Variants in ROR1 observed in about 807,000 individuals in gnomAD.
The protein encoded by ROR1 is ROR family WNT receptor 1.
Under a neutral mutation model 78.8 loss-of-function variants are expected in ROR1, and 19 were observed. The ratio of observed to expected loss-of-function variants is 0.24; its 90% CI spans 0.17 to 0.35. ROR1 has a LOEUF of 0.35. Among genes scored for constraint, ROR1 ranks in the 10% least tolerant of loss-of-function variants. ROR1 has a pLI of 1.00. For synonymous variants in ROR1, 386 were observed against 433.6 expected (o/e 0.89, Z 1.36); for missense variants, 917 against 1,177.8 (o/e 0.78, Z 3.24).
intron 8 of ROR1, among the ~76,000 whole-genome samples, chr1:64,160,442 A>G (rs1224353557): frequency 2.0e-5 from 3 of 152,034 alleles, no homozygotes; most frequent in African/African-American, 4.8e-5. Context: ...TCTCTTGCTG[A>G]GTGTGAATTT....
chr1:63,837,328 G>T (rs919332011), intron 1 of ROR1, among the ~76,000 whole-genome samples: 2 of 152,122 alleles, frequency 1.3e-5, no homozygotes, highest in African/African-American at 2.4e-5. Context: ...TTTTGAAAGT[G>T]GTTAAAGGAT....
At chr1:63,889,230 C>G (rs949620159) in intron 1 of ROR1, among the ~76,000 whole-genome samples, 1 of 149,912 alleles carries the variant, frequency 6.7e-6, no homozygotes, top group Non-Finnish European at 1.5e-5. Flanking sequence ...AAGTGACATG[C>G]CATCACTTCT....
At chr1:64,054,813 T>C (rs1204751936) in intron 4 of ROR1, among the ~76,000 whole-genome samples, 1 of 152,194 alleles carries the variant, frequency 6.6e-6, no homozygotes, top group Non-Finnish European at 1.5e-5. Flanking sequence ...TTCTGGAGGC[T>C]AGAAGTATGA....
At chr1:63,994,533 G>A (rs1646322123) in intron 1 of ROR1, among the ~76,000 whole-genome samples, 1 of 152,162 alleles carries the variant, frequency 6.6e-6, no homozygotes, top group Admixed American at 6.6e-5. Flanking sequence ...GGACCTTGAA[G>A]CAGCAGGTCA....
intron 8 of ROR1, among the ~76,000 whole-genome samples, chr1:64,176,472 C>G (rs1650382378): frequency 7.1e-6 from 1 of 141,046 alleles, no homozygotes. Context: ...ATTATCATCC[C>G]ATTTTATAGA....
chr1:64,017,146 A>G (rs1646527897), intron 2 of ROR1, among the ~76,000 whole-genome samples: 1 of 151,970 alleles, frequency 6.6e-6, no homozygotes, highest in African/African-American at 2.4e-5. Context: ...GGCTCAAGCA[A>G]TCTGCCCCCT....
At chr1:63,961,796 T>A (rs545311178) in intron 1 of ROR1, among the ~76,000 whole-genome samples, 2 of 152,250 alleles carry the variant, frequency 1.3e-5, no homozygotes, top group East Asian at 3.9e-4. Context: ...GTGATCATAG[T>A]TAAGAACAGC....
At chr1:63,797,566 A>T (rs971507211) in intron 1 of ROR1, among the ~76,000 whole-genome samples, 1 of 152,246 alleles carries the variant, frequency 6.6e-6, no homozygotes, top group Non-Finnish European at 1.5e-5. Flanking sequence ...TCAAGGTCAA[A>T]CAATTAGTAG....
Position 64,060,441 on chromosome 1 carries a change from T to C in ROR1, c.482+9725T>C, listed in dbSNP as rs1646908412. ...CATTGGCCTTTGGCTGAAGTCTCCT[T>C]TCTGCAGAGAACAAAGTGACCAGCT... On this transcript the variant is annotated intron_variant, in intron 4 of 8. Transcript: ENST00000371079. Among the ~76,000 whole-genome samples the C allele has an allele frequency of 5.9e-5, 9 of 152,222 alleles. No individual in the cohort carries two copies. The South Asian group carries it at 1.9e-3, about 32-fold the overall frequency.
At chr1:63,996,449 A>G (rs1427664981) in intron 1 of ROR1, among the ~76,000 whole-genome samples, 2 of 152,206 alleles carry the variant, frequency 1.3e-5, no homozygotes, top group Non-Finnish European at 2.9e-5. Flanking sequence ...GTGCAATTTC[A>G]GGTGAATTAA....
chr1:64,142,588 C>T lies in ROR1; in HGVS notation c.1112C>T (p.Ala371Val), dbSNP rs1649354003. 1 of 1,614,032 alleles carries T rather than the reference C, an allele frequency of 6.2e-7. No homozygotes were observed. The highest frequency in any genetic ancestry group is 1.7e-5 in the Admixed American group (1 of 59,998). The change falls in exon 7 of 9, where the codon GCT becomes GTT. Residue 371 changes from alanine (A) to valine (V), a missense_variant. Around this residue, in one of 3 missense-constraint regions of ROR1, gnomAD observed 835 missense variants for 1,069.8 expected, o/e 0.78. Transcript: ENST00000371079. ...YCRNPGNQKE[A>V]PWCFTLDENF... ...CGCAACCCAGGGAATCAAAAGGAAG[C>T]TCCCTGGTGCTTCACCTTGGATGAA...
chr1:63,996,542 A>G (rs1002152608), intron 1 of ROR1, among the ~76,000 whole-genome samples: 1 of 152,182 alleles, frequency 6.6e-6, no homozygotes, highest in Non-Finnish European at 1.5e-5. Flanking sequence ...GTCTTGCAGG[A>G]TGATAGTAAT....
intron 4 of ROR1, among the ~76,000 whole-genome samples, chr1:64,129,734 T>C (rs1648845492): frequency 6.6e-6 from 1 of 152,248 alleles, no homozygotes; most frequent in Non-Finnish European, 1.5e-5. Flanking sequence ...AATACTGTAC[T>C]AGTGCAGTCC....
Position 64,178,835 on chromosome 1 carries a change from A to G in ROR1, c.2794A>G (p.Met932Val), listed in dbSNP as rs1396949011. The change falls in exon 9 of 9, where the codon ATG becomes GTG. Residue 932 changes from methionine (M) to valine (V), a missense_variant. This residue lies in a region of ROR1 where 835 missense variants were observed against 1,069.8 expected (regional missense o/e 0.78). Transcript: ENST00000371079. The surrounding 1 kb of genome is among the most constrained non-coding windows in gnomAD (Gnocchi z 4.3). Reference sequence around the variant, plus strand: ...CAATATTCATGGACACACCGAATCTATGATTTCTGCAGAACTGTAAAATGC... The same window carrying G: ...CAATATTCATGGACACACCGAATCTGTGATTTCTGCAGAACTGTAAAATGC... ...DANIHGHTES[M>V]ISAEL 6.2e-7 allele frequency: 1 copy of G among 1,613,330 alleles called. No homozygotes were observed.
At chr1:64,114,288 A>G (rs891810697) in intron 4 of ROR1, among the ~76,000 whole-genome samples, 1 of 152,212 alleles carries the variant, frequency 6.6e-6, no homozygotes, top group African/African-American at 2.4e-5. Context: ...GGAATTCTTC[A>G]GCTTAATATG....
At chr1:64,066,698 C>T (rs1377757069) in intron 4 of ROR1, 1 of 152,678 alleles carries the variant, frequency 6.5e-6, no homozygotes, top group Non-Finnish European at 1.5e-5. Flanking sequence ...TTTGCAATTG[C>T]TTGTGATCAA....
At chr1:64,103,685 A>G (rs80219094) in intron 4 of ROR1, among the ~76,000 whole-genome samples, 1,667 of 152,290 alleles carry the variant, frequency 0.011, 30 homozygotes, top group African/African-American at 0.039. Flanking sequence ...AGTGTTCTCT[A>G]AATAACTGTG....
rs995716486 is a variant in ROR1 at position 63,929,125 on chromosome 1, C to T, written c.92-80180C>T. On this transcript the variant is annotated intron_variant, in intron 1 of 8. Coordinates refer to ENST00000371079, the MANE Select transcript of ROR1 (RefSeq NM_005012.4). Reference sequence around the variant, plus strand: ...TCCACCCTTTCCAGACTCCACAATCCGCTTTGCTGTGTGTTTTCTCTTTCT... The same window carrying T: ...TCCACCCTTTCCAGACTCCACAATCTGCTTTGCTGTGTGTTTTCTCTTTCT... 2.0e-4 allele frequency among the ~76,000 whole-genome samples: 31 copies of T among 152,336 alleles called. 1 individual carries two copies. Among genetic ancestry groups the T allele is most frequent in the Admixed American group, 1.0e-3 (16 of 15,302 alleles).
intron 2 of ROR1, among the ~76,000 whole-genome samples, chr1:64,021,543 A>G (rs547622000): frequency 4.6e-5 from 7 of 152,326 alleles, no homozygotes; most frequent in African/African-American, 1.7e-4. Context: ...GGTAGGTACT[A>G]TTATGTTCAT....
Sources: gnomAD v4.1 joint callset for allele counts (sites outside exome capture counted in the v4.1 genomes callset) on GRCh38, gnomAD v4.1.1 for gene constraint, gnomAD v4.1.1 regional missense constraint, Gnocchi (gnomAD v3.1) non-coding constraint, MANE v1.5 for transcripts, NCBI Gene and HGNC (gene_info 2026-07-23, HGNC 2026-07-21) for gene names.